The following NECAB1 variants were observed in gnomAD, a reference collection of about 807,000 sequenced individuals.
NECAB1 encodes N-terminal EF-hand calcium binding protein 1.
In NECAB1, 29 loss-of-function variants were observed where a neutral mutation model predicts 57.5. That is an observed-to-expected ratio of 0.50 (90% CI 0.38 to 0.69). The LOEUF is 0.69. Ranked by LOEUF, NECAB1 falls within the 30% of genes least tolerant of loss-of-function variation. NECAB1 has a pLI of 0.00. For synonymous variants in NECAB1, 142 were observed against 147.7 expected (o/e 0.96, Z 0.28); for missense variants, 372 against 413.8 (o/e 0.90, Z 0.88).
At chr8:90,908,736 A>G (rs1478253768) in intron 5 of NECAB1, among the ~76,000 whole-genome samples, 1 of 152,108 alleles carries the variant, frequency 6.6e-6, no homozygotes, top group African/African-American at 2.4e-5. Context: ...GATTTTAGAA[A>G]CCTGACCTAC....
chr8:90,906,899 A>ATATATATG (rs1197777567), intron 5 of NECAB1, among the ~76,000 whole-genome samples: 1 of 140,552 alleles, frequency 7.1e-6, no homozygotes, highest in African/African-American at 2.7e-5. Flanking sequence ...ATATATATAT[A>ATATATATG]TATATATATA....
At chr8:90,941,862 C>T (rs1810677967) in intron 10 of NECAB1, among the ~76,000 whole-genome samples, 1 of 152,242 alleles carries the variant, frequency 6.6e-6, no homozygotes, top group Non-Finnish European at 1.5e-5. Flanking sequence ...CCAAATTCAT[C>T]TGCTTTTAGA....
chr8:90,839,679 CGA>C (rs1248952141), intron 3 of NECAB1, among the ~76,000 whole-genome samples: 1 of 152,046 alleles, frequency 6.6e-6, no homozygotes, highest in African/African-American at 2.4e-5. Context: ...AGCCTGTAGA[CGA>C]GAGAGAGTGT....
chr8:90,792,071 C>T (rs762148592), intron 1 of NECAB1, 86 bp downstream of exon 1: 6 of 1,047,840 alleles, frequency 5.7e-6, no homozygotes, highest in Admixed American at 2.0e-5. Flanking sequence ...AGGTGCTGAC[C>T]AGCCAATGCT....
chr8:90,934,528 C>T (rs1184224704), intron 9 of NECAB1, among the ~76,000 whole-genome samples, 171 bp downstream of exon 9: 1 of 152,090 alleles, frequency 6.6e-6, no homozygotes. Context: ...AAACCTAATA[C>T]CTACTTCACA....
intron 5 of NECAB1, among the ~76,000 whole-genome samples, chr8:90,915,104 G>A (rs2130106059): frequency 6.6e-6 from 1 of 152,222 alleles, no homozygotes; most frequent in East Asian, 1.9e-4. Context: ...CTACAAATAA[G>A]TATAAAACTT....
intron 5 of NECAB1, among the ~76,000 whole-genome samples, chr8:90,902,605 CAA>C (rs1433131841): frequency 1.3e-5 from 2 of 151,970 alleles, no homozygotes; most frequent in Admixed American, 1.3e-4. Context: ...TATAAATGTT[CAA>C]GTTTATCAAT....
chr8:90,912,528 G>A (rs560253785), intron 5 of NECAB1, among the ~76,000 whole-genome samples: 3 of 151,986 alleles, frequency 2.0e-5, no homozygotes, highest in African/African-American at 4.8e-5. Context: ...TTGTCTCCTC[G>A]TTCACTAATC....
chr8:90,801,648 T>C, intron 1 of NECAB1, 43 bp from the exon 2 acceptor site: 1 of 1,351,906 alleles, frequency 7.4e-7, no homozygotes, highest in Non-Finnish European at 1.0e-6. Context: ...GTTGCAATAT[T>C]TATCTAAAAT....
At chr8:90,810,211 T>A (rs549462670) in intron 2 of NECAB1, among the ~76,000 whole-genome samples, 1 of 152,306 alleles carries the variant, frequency 6.6e-6, no homozygotes, top group Non-Finnish European at 1.5e-5. Flanking sequence ...ACATGGAGAA[T>A]CCTAAATGAT....
At chr8:90,924,951 A>G (rs564380338) in intron 6 of NECAB1, among the ~76,000 whole-genome samples, 1 of 151,716 alleles carries the variant, frequency 6.6e-6, no homozygotes, top group African/African-American at 2.4e-5. Context: ...TACTGTATAT[A>G]GTATATAAGA....
rs1312707530 is a variant in NECAB1, at chr8:90,951,338, G to A, written c.1030+134G>A. 5.5e-6 allele frequency: 3 copies of A among 544,398 alleles called. No individual in the cohort carries two copies. The African/African-American group carries it at 6.0e-5, about 11-fold the overall frequency. The allele number at this position is 544,398 out of a possible 1,614,324, so 33.7% of individuals were successfully genotyped here. Reference sequence around the variant, plus strand: ...TTATTTATTTCTTTATATATTTTATGATTTGAGATTGGGGGGAAGAAATAA... The same window carrying A: ...TTATTTATTTCTTTATATATTTTATAATTTGAGATTGGGGGGAAGAAATAA... On this transcript the variant is annotated intron_variant, in intron 12 of 12. Transcript: ENST00000417640.
intron 3 of NECAB1, among the ~76,000 whole-genome samples, chr8:90,841,834 C>G (rs1002066343): frequency 6.6e-6 from 1 of 152,206 alleles, no homozygotes; most frequent in African/African-American, 2.4e-5. Flanking sequence ...GAGGAGGCAT[C>G]TCAGGCCTGA....
chr8:90,796,368 A>G (rs1255092687), intron 1 of NECAB1, among the ~76,000 whole-genome samples: 2 of 152,180 alleles, frequency 1.3e-5, no homozygotes, highest in Non-Finnish European at 2.9e-5. Context: ...CTTATATTCT[A>G]GTTTCTCAGG....
At chr8:90,855,774 C>T (rs1218754299) in intron 3 of NECAB1, among the ~76,000 whole-genome samples, 3 of 152,108 alleles carry the variant, frequency 2.0e-5, no homozygotes, top group Non-Finnish European at 4.4e-5. Context: ...CATGGCTTAA[C>T]TTGTCTGATG....
chr8:90,792,204 A>G (rs948096557), intron 1 of NECAB1, among the ~76,000 whole-genome samples: 2 of 152,244 alleles, frequency 1.3e-5, no homozygotes, highest in African/African-American at 4.8e-5. Context: ...AGAAAACTGC[A>G]AAAGTTAGAT....
At chr8:90,914,470 G>A (rs986110393) in intron 5 of NECAB1, among the ~76,000 whole-genome samples, 1 of 151,944 alleles carries the variant, frequency 6.6e-6, no homozygotes, top group East Asian at 1.9e-4. Flanking sequence ...ATCAATGAGG[G>A]GTAGTATAAA....
intron 2 of NECAB1, among the ~76,000 whole-genome samples, chr8:90,811,065 C>T (rs757508329): frequency 2.6e-5 from 4 of 151,846 alleles, no homozygotes; most frequent in African/African-American, 7.2e-5. Flanking sequence ...CTCCTGCCTC[C>T]GCCTCCCGAG....
At chr8:90,822,921 A>C (rs1320090763) in intron 2 of NECAB1, among the ~76,000 whole-genome samples, 1 of 150,952 alleles carries the variant, frequency 6.6e-6, no homozygotes, top group African/African-American at 2.4e-5. Context: ...CTTTAACCTC[A>C]GTCTGATTTG....
Sources: gnomAD v4.1 joint callset for allele counts (sites outside exome capture counted in the v4.1 genomes callset) on GRCh38, gnomAD v4.1.1 for gene constraint, MANE v1.5 for transcripts, NCBI Gene and HGNC (gene_info 2026-07-23, HGNC 2026-07-21) for gene names.